The following TDRP variants were observed in gnomAD, a reference collection of about 807,000 sequenced individuals.
The protein encoded by TDRP is testis development-related protein.
In TDRP, 12 loss-of-function variants were observed where a neutral mutation model predicts 10.5. The ratio of observed to expected loss-of-function variants is 1.15; its 90% CI spans 0.73 to 1.86. The LOEUF is 1.86. Among genes scored for constraint, TDRP ranks in the 40% most tolerant of loss-of-function variants. TDRP has a pLI of 0.00. For missense variants in TDRP, 353 were observed against 229.2 expected (o/e 1.54, Z -3.49); for synonymous variants, 139 against 95.4 (o/e 1.46, Z -2.67).
intron 1 of TDRP, among the ~76,000 whole-genome samples, chr8:495,977 G>T (rs142501445): frequency 2.0e-5 from 3 of 152,200 alleles, no homozygotes; most frequent in Non-Finnish European, 2.9e-5. Flanking sequence ...CGGGGGACAG[G>T]CCCTCCAACA....
At chr8:507,572 C>T (rs1801500879) in intron 1 of TDRP, among the ~76,000 whole-genome samples, 1 of 152,170 alleles carries the variant, frequency 6.6e-6, no homozygotes, top group Admixed American at 6.5e-5. Context: ...TGCCACACCT[C>T]CATCATCCCA....
At chr8:505,915 C>T (rs1220467956) in intron 1 of TDRP, among the ~76,000 whole-genome samples, 2 of 152,196 alleles carry the variant, frequency 1.3e-5, no homozygotes, top group Non-Finnish European at 2.9e-5. Context: ...TAGATATCAA[C>T]TTGCTAGCTT....
At chr8:532,843 TC>T (rs1436019167) in intron 1 of TDRP, among the ~76,000 whole-genome samples, 1 of 151,756 alleles carries the variant, frequency 6.6e-6, no homozygotes, top group Non-Finnish European at 1.5e-5. Context: ...CCAGCCACGA[TC>T]GTTCATTTAC....
At chr8:499,603 G>T (rs1801229675) in intron 1 of TDRP, among the ~76,000 whole-genome samples, 1 of 152,236 alleles carries the variant, frequency 6.6e-6, no homozygotes, top group Non-Finnish European at 1.5e-5. Context: ...GTCCTAGAAG[G>T]TGCACAAACA....
intron 1 of TDRP, among the ~76,000 whole-genome samples, chr8:533,365 G>A (rs1373789488): frequency 6.6e-6 from 1 of 152,082 alleles, no homozygotes; most frequent in African/African-American, 2.4e-5. Context: ...CGACTGTCAG[G>A]GCACGCCCTT....
chr8:540,418 C>G (rs1375091837), intron 1 of TDRP, among the ~76,000 whole-genome samples: 3 of 152,174 alleles, frequency 2.0e-5, no homozygotes. Flanking sequence ...ATAAATGTTT[C>G]ATGGACAGAT....
chr8:498,163 C>T (rs527471518), intron 1 of TDRP, among the ~76,000 whole-genome samples: 6 of 152,082 alleles, frequency 3.9e-5, no homozygotes, highest in Admixed American at 6.5e-5. Flanking sequence ...AGAGGGCCAC[C>T]GTCTTCTCAG....
At chr8:534,384 G>C (rs777587656) in intron 1 of TDRP, among the ~76,000 whole-genome samples, 5 of 152,208 alleles carry the variant, frequency 3.3e-5, no homozygotes, top group Non-Finnish European at 7.3e-5. Context: ...TCAACAATGT[G>C]TGACCTTGTT....
chr8:541,832 G>A (rs1377709654), intron 1 of TDRP, among the ~76,000 whole-genome samples: 1 of 152,274 alleles, frequency 6.6e-6, no homozygotes, highest in East Asian at 1.9e-4. Context: ...AGCCACTTTG[G>A]AAGACGGTTT....
At chr8:528,726 AAT>A (rs1017245314) in intron 1 of TDRP, among the ~76,000 whole-genome samples, 8 of 152,184 alleles carry the variant, frequency 5.3e-5, no homozygotes, top group African/African-American at 1.9e-4. Context: ...CCTGTATCAA[AAT>A]CTCATGTACC....
chr8:510,041 G>C (rs188398811), intron 1 of TDRP, among the ~76,000 whole-genome samples: 1 of 152,152 alleles, frequency 6.6e-6, no homozygotes, highest in Non-Finnish European at 1.5e-5. Flanking sequence ...TGACCTCCAG[G>C]AGGAAGCACA....
At chr8:529,806 C>G (rs1802138816) in intron 1 of TDRP, among the ~76,000 whole-genome samples, 1 of 152,118 alleles carries the variant, frequency 6.6e-6, no homozygotes, top group Non-Finnish European at 1.5e-5. Context: ...AATTCTCTAC[C>G]ACTGACTTTT....
rs1158380145 is a variant in TDRP, at chr8:515,866, G to A, written c.109-21269C>T. On this transcript the variant is annotated intron_variant, in intron 1 of 2. Coordinates refer to ENST00000324079, the MANE Select transcript of TDRP (RefSeq NM_001384899.1). ...CAATGACTACATAACTAGAAAATGGGAGAGCATCAAAGAACGATTAGACCT... is the reference window on the plus strand; with the variant it reads ...CAATGACTACATAACTAGAAAATGGAAGAGCATCAAAGAACGATTAGACCT... 2.6e-5 allele frequency among the ~76,000 whole-genome samples: 4 copies of A among 152,000 alleles called. No homozygotes were observed. The East Asian group carries it at 5.8e-4, about 22-fold the overall frequency.
At chr8:513,406 A>G (rs549791560) in intron 1 of TDRP, among the ~76,000 whole-genome samples, 2 of 152,320 alleles carry the variant, frequency 1.3e-5, no homozygotes, top group South Asian at 2.1e-4. Context: ...AAAAAATTAT[A>G]TAAGCATCTC....
At chr8:508,851 A>G (rs775201916) in intron 1 of TDRP, among the ~76,000 whole-genome samples, 4 of 152,240 alleles carry the variant, frequency 2.6e-5, no homozygotes, top group East Asian at 1.9e-4. Flanking sequence ...CCTTTTGCCT[A>G]TAAGCCTGTA....
intron 1 of TDRP, among the ~76,000 whole-genome samples, chr8:535,821 G>T (rs1334656461): frequency 6.6e-6 from 1 of 151,492 alleles, no homozygotes; most frequent in Non-Finnish European, 1.5e-5. Flanking sequence ...CCCACCCGAG[G>T]CAGGTCTCAG....
chr8:526,841 G>A (rs1406321612), intron 1 of TDRP, among the ~76,000 whole-genome samples: 1 of 152,054 alleles, frequency 6.6e-6, no homozygotes, highest in Non-Finnish European at 1.5e-5. Flanking sequence ...ACGTAGTACT[G>A]GAAGTCCTAG....
chr8:503,723 C>A (rs1310502626), intron 1 of TDRP, among the ~76,000 whole-genome samples: 1 of 150,316 alleles, frequency 6.7e-6, no homozygotes, highest in Non-Finnish European at 1.5e-5. Context: ...GAATCCAGAG[C>A]TACACATCAG....
Position 492,243 on chromosome 8 carries a change from TGTGA to T in TDRP, c.*152_*155del, listed in dbSNP as rs1800997107. On this transcript the variant is annotated 3_prime_UTR_variant, in exon 3 of 3. Transcript: ENST00000324079. Reference sequence around the variant, plus strand: ...GTGTTCACCAAGGAGTCACAGTGTGTGTGAGAGTTCATTAAATAAAGAAACAGAG... The same window carrying T: ...GTGTTCACCAAGGAGTCACAGTGTGTGAGTTCATTAAATAAAGAAACAGAG... 2 of 1,340,506 alleles carry T rather than the reference TGTGA, an allele frequency of 1.5e-6. No individual in the cohort carries two copies. The highest frequency in any genetic ancestry group is 3.5e-5 in the Admixed American group (1 of 28,918). 83.0% of individuals were successfully genotyped at this position (1,340,506 alleles called of 1,614,324 possible).
Sources: allele counts gnomAD v4.1 joint callset (sites outside exome capture counted in the v4.1 genomes callset), GRCh38; gene constraint gnomAD v4.1.1; transcripts MANE v1.5; gene names NCBI Gene and HGNC (gene_info 2026-07-23, HGNC 2026-07-21).